The following AADACL2 variants were observed in gnomAD, a reference collection of about 807,000 sequenced individuals.
AADACL2 encodes arylacetamide deacetylase like 2, also known as arylacetamide deacetylase-like 2.
In AADACL2, 23 loss-of-function variants were observed where a neutral mutation model predicts 22.3. The ratio of observed to expected loss-of-function variants is 1.03; its 90% confidence interval spans 0.74 to 1.46. AADACL2 has a LOEUF of 1.46. Ranked by LOEUF, AADACL2 falls within the 40% of genes most tolerant of loss-of-function variation. The pLI is 0.00. For synonymous variants in AADACL2, 177 were observed against 166.2 expected (o/e 1.07, Z -0.50); for missense variants, 472 against 482.9 (o/e 0.98, Z 0.21).
In AADACL2 at chr3:151,748,419, G is replaced by A. The variant is rs544853101; in HGVS notation, c.603+2739G>A. Among the ~76,000 whole-genome samples, 21 of 152,250 alleles carry A rather than the reference G, an allele frequency of 1.4e-4. No homozygotes were observed. The South Asian group carries it at 4.3e-3, about 32-fold the overall frequency. ...TTGGCACCTTTGTCAAAGATCAATT[G>A]ACCATTGCTATAGCTTGGTCTTTCC... On this transcript the variant is annotated intron_variant, in intron 4 of 4. Coordinates refer to ENST00000356517, the MANE Select transcript of AADACL2 (RefSeq NM_207365.4).
chr3:151,757,177 A>C lies in AADACL2; in HGVS notation c.789A>C (p.Ala263=). The C allele has an allele frequency of 1.2e-6, 2 of 1,613,604 alleles. No individual in the cohort carries two copies. Among genetic ancestry groups the C allele is most frequent in the Non-Finnish European group, 1.7e-6 (2 of 1,179,686 alleles). ...YFTKDEALPW[A]MRRNQHMPLE... ...CCAAGGATGAAGCACTTCCCTGGGCAATGAGAAGAAACCAACACATGCCTC... is the reference window on the plus strand; with the variant it reads ...CCAAGGATGAAGCACTTCCCTGGGCCATGAGAAGAAACCAACACATGCCTC... The change falls in exon 5 of 5, where the codon GCA becomes GCC. Residue 263 remains alanine, a synonymous_variant. Coordinates refer to ENST00000356517, the MANE Select transcript of AADACL2 (RefSeq NM_207365.4).
At chr3:151,742,041 A>T (rs968774993) in intron 2 of AADACL2, among the ~76,000 whole-genome samples, 8 of 152,130 alleles carry the variant, frequency 5.3e-5, no homozygotes, top group Non-Finnish European at 1.0e-4. Flanking sequence ...AATACACTGG[A>T]AAAGACTTAG....
chr3:151,752,916 T>C (rs898959939), intron 4 of AADACL2, among the ~76,000 whole-genome samples: 31 of 152,240 alleles, frequency 2.0e-4, no homozygotes, highest in African/African-American at 7.2e-4. Flanking sequence ...CGTATGATCT[T>C]ATTTATAATA....
At chr3:151,740,919 T>C (rs1193694813) in intron 2 of AADACL2, 51 bp downstream of exon 2, 2 of 1,485,458 alleles carry the variant, frequency 1.3e-6, no homozygotes, top group East Asian at 2.3e-5. Context: ...ATTTTTGATA[T>C]AAGAACTATT....
At chr3:151,747,555 T>C (rs1713494073) in intron 4 of AADACL2, among the ~76,000 whole-genome samples, 1 of 152,068 alleles carries the variant, frequency 6.6e-6, no homozygotes, top group African/African-American at 2.4e-5. Flanking sequence ...GGTTCATCAA[T>C]GTTGTCACCA....
At chr3:151,754,359 T>C (rs1713796061) in intron 4 of AADACL2, among the ~76,000 whole-genome samples, 2 of 152,130 alleles carry the variant, frequency 1.3e-5, no homozygotes, top group Non-Finnish European at 2.9e-5. Context: ...AGTTACTTTC[T>C]TGATGACAAT....
Position 151,757,237 on chromosome 3 carries a change from G to A in AADACL2, c.849G>A (p.Trp283Ter). The A allele has an allele frequency of 1.9e-6, 3 of 1,613,692 alleles. No homozygotes were observed. Among genetic ancestry groups the A allele is most frequent in the Non-Finnish European group, 2.5e-6 (3 of 1,179,700 alleles). ...ESRHLFKFVNWSILLPEKYRK... is the reference protein window; with the variant it reads ...ESRHLFKFVN ...GACATCTGTTTAAGTTTGTTAACTG[G>A]AGTATTCTTCTTCCTGAGAAGTATA... The change falls in exon 5 of 5, where the codon TGG becomes TGA. Residue 283 changes from tryptophan to a stop codon, truncating the protein, a stop_gained. Transcript: ENST00000356517. LOFTEE classifies it low-confidence loss of function (END_TRUNC).
intron 4 of AADACL2, among the ~76,000 whole-genome samples, chr3:151,752,986 TA>T (rs1431912254): frequency 6.6e-6 from 1 of 152,124 alleles, no homozygotes; most frequent in African/African-American, 2.4e-5. Flanking sequence ...GACACTTCTT[TA>T]AAAATATAAA....
chr3:151,739,594 C>T (rs774093005), intron 1 of AADACL2, among the ~76,000 whole-genome samples: 1 of 152,208 alleles, frequency 6.6e-6, no homozygotes, highest in Non-Finnish European at 1.5e-5. Context: ...AAGTTTAGGT[C>T]CGCTGAAGCT....
intron 4 of AADACL2, 42 bp downstream of exon 4, chr3:151,745,722 G>C (rs751499953): frequency 3.9e-6 from 6 of 1,526,602 alleles, no homozygotes; most frequent in Non-Finnish European, 5.3e-6. Flanking sequence ...AGAAATTGAG[G>C]CTCATTTTTT....
At chr3:151,736,056 T>G (rs1228477884) in intron 1 of AADACL2, among the ~76,000 whole-genome samples, 1 of 152,042 alleles carries the variant, frequency 6.6e-6, no homozygotes, top group Non-Finnish European at 1.5e-5. Flanking sequence ...GCCAAAAAAT[T>G]TGGATTATTA....
At chr3:151,738,686 T>C (rs1713173736) in intron 1 of AADACL2, among the ~76,000 whole-genome samples, 1 of 152,196 alleles carries the variant, frequency 6.6e-6, no homozygotes, top group Admixed American at 6.5e-5. Context: ...GAGGCTTTGT[T>C]TGTTTCTTTT....
chr3:151,745,763 A>G (rs538949696), intron 4 of AADACL2, 83 bp downstream of exon 4: 4 of 1,392,146 alleles, frequency 2.9e-6, no homozygotes, highest in East Asian at 2.4e-5. Context: ...TTCCCCCACC[A>G]TTTGTTGAAA....
chr3:151,749,807 TG>T (rs1359025574), intron 4 of AADACL2, among the ~76,000 whole-genome samples: 18 of 152,280 alleles, frequency 1.2e-4, no homozygotes, highest in African/African-American at 4.1e-4. Flanking sequence ...CTTTCTCATT[TG>T]GATGCTTTTT....
At chr3:151,735,792 T>A (rs1368897861) in intron 1 of AADACL2, among the ~76,000 whole-genome samples, 2 of 151,996 alleles carry the variant, frequency 1.3e-5, no homozygotes, top group Non-Finnish European at 2.9e-5. Context: ...ATTAAGAAAA[T>A]AAAGTATAGT....
chr3:151,736,557 G>A (rs1026112582), intron 1 of AADACL2, among the ~76,000 whole-genome samples: 1 of 152,116 alleles, frequency 6.6e-6, no homozygotes, highest in African/African-American at 2.4e-5. Context: ...TCCCATTTAT[G>A]AGTGAGAACA....
chr3:151,757,340 T>C lies in AADACL2; in HGVS notation c.952T>C (p.Leu318=). 1.9e-6 allele frequency: 3 copies of C among 1,613,800 alleles called. 1 individual carries two copies. The South Asian group carries it at 3.3e-5, about 18-fold the overall frequency. ...SLPGLTDSRA[L]PLLANDSQLQ... Reference sequence around the variant, plus strand: ...GCCAGGACTTACAGACAGCAGAGCATTACCCTTGTTGGCCAATGATTCTCA... The same window carrying C: ...GCCAGGACTTACAGACAGCAGAGCACTACCCTTGTTGGCCAATGATTCTCA... Residue 318 remains leucine, a synonymous_variant, in exon 5 of 5, where the codon TTA becomes CTA. Coordinates refer to ENST00000356517, the MANE Select transcript of AADACL2 (RefSeq NM_207365.4).
At chr3:151,748,962 T>C (rs1370862716) in intron 4 of AADACL2, among the ~76,000 whole-genome samples, 2 of 152,356 alleles carry the variant, frequency 1.3e-5, no homozygotes, top group South Asian at 2.1e-4. Flanking sequence ...GCAGTTTATT[T>C]TGAAATCAGG....
intron 1 of AADACL2, among the ~76,000 whole-genome samples, chr3:151,735,752 C>T (rs1183374761): frequency 3.3e-5 from 5 of 152,012 alleles, no homozygotes; most frequent in Admixed American, 3.3e-4. Flanking sequence ...AGCAAGACTC[C>T]TTCTCAAAAA....
Sources: allele counts gnomAD v4.1 joint callset (sites outside exome capture counted in the v4.1 genomes callset), GRCh38; gene constraint gnomAD v4.1.1; transcripts MANE v1.5; gene names NCBI Gene and HGNC (gene_info 2026-07-23, HGNC 2026-07-21).